Variants in EGFR observed in about 807,000 individuals in gnomAD.
EGFR encodes the protein epidermal growth factor receptor, also known as avian erythroblastic leukemia viral (v-erb-b) oncogene homolog.
EGFR carries 58 observed loss-of-function variants against 143.0 expected under a neutral mutation model. The ratio of observed to expected loss-of-function variants is 0.41; its 90% CI spans 0.33 to 0.50. EGFR has a LOEUF of 0.50. Among genes scored for constraint, EGFR ranks in the 20% least tolerant of loss-of-function variants. EGFR has a pLI of 0.39. For synonymous variants in EGFR, 613 were observed against 594.4 expected (o/e 1.03, Z -0.45); for missense variants, 1,307 against 1,579.0 (o/e 0.83, Z 2.92).
chr7:55,143,558 C>A (rs2128927752), intron 3 of EGFR, 70 bp downstream of exon 3: 2 of 1,558,008 alleles, frequency 1.3e-6, no homozygotes, highest in Non-Finnish European at 1.8e-6. Flanking sequence ...TCCCAGCGAG[C>A]TTGTCACTCA....
chr7:55,146,524 T>C, intron 3 of EGFR, 82 bp from the exon 4 acceptor site: 2 of 1,600,120 alleles, frequency 1.2e-6, no homozygotes, highest in Non-Finnish European at 1.7e-6. Context: ...TAGCAGAACA[T>C]AAATGCGAAG....
In EGFR at chr7:55,162,143, T is replaced by C. The variant is rs17336814; in HGVS notation, c.1631+512T>C. ...GACAAAGAAATAATTCATAATGATGTTTGTTGAATTTAGTTGCAATCAATA... is the reference window on the plus strand; with the variant it reads ...GACAAAGAAATAATTCATAATGATGCTTGTTGAATTTAGTTGCAATCAATA... On this transcript the variant is annotated intron_variant, in intron 13 of 27. Coordinates refer to ENST00000275493, the MANE Select transcript of EGFR (RefSeq NM_005228.5). Among the ~76,000 whole-genome samples the C allele has an allele frequency of 8.2e-3, 1,244 of 152,346 alleles. 23 individuals are homozygous for C. Among genetic ancestry groups the C allele is most frequent in the African/African-American group, 0.028 (1,164 of 41,574 alleles).
At chr7:55,151,393 G>C (rs779724563) in intron 5 of EGFR, 31 bp downstream of exon 5, 2 of 1,610,264 alleles carry the variant, frequency 1.2e-6, no homozygotes, top group Non-Finnish European at 1.7e-6. Context: ...AGACCCATGT[G>C]TGACCGCCCC....
In EGFR at chr7:55,192,021, G is replaced by C; in HGVS notation, c.2625+147G>C. The C allele has an allele frequency of 3.3e-6, 4 of 1,214,068 alleles. No homozygotes were observed. The South Asian group carries it at 5.2e-5, about 16-fold the overall frequency. The allele number at this position is 1,214,068 out of a possible 1,614,324, so 75.2% of individuals were successfully genotyped here. On this transcript the variant is annotated intron_variant, in intron 21 of 27. Coordinates refer to ENST00000275493, the MANE Select transcript of EGFR (RefSeq NM_005228.5). ...TCGCAGCAGCTGCTGCTGGCAGCTG[G>C]GTCCAGCCAGGGTCTCCTGGTAGTG...
intron 1 of EGFR, among the ~76,000 whole-genome samples, chr7:55,075,659 C>T (rs1236557355): frequency 6.6e-6 from 1 of 152,268 alleles, no homozygotes; most frequent in Admixed American, 6.5e-5. Context: ...GCAGCAGAAC[C>T]TACCACCGTA....
At chr7:55,081,433 A>G (rs902598933) in intron 1 of EGFR, among the ~76,000 whole-genome samples, 6 of 152,144 alleles carry the variant, frequency 3.9e-5, no homozygotes, top group African/African-American at 1.4e-4. Context: ...CTTCTTCGCA[A>G]TGAGTGTTGC....
Position 55,127,386 on chromosome 7 carries a change from A to C in EGFR, c.89-14900A>C, listed in dbSNP as rs529680862. On this transcript the variant is annotated intron_variant, in intron 1 of 27. Transcript: ENST00000275493. ...AAAAATTGATGCGCTTTTTCCACGAAAGGAAGTGTTACCACATTTTCCAAG... is the reference window on the plus strand; with the variant it reads ...AAAAATTGATGCGCTTTTTCCACGACAGGAAGTGTTACCACATTTTCCAAG... Among the ~76,000 whole-genome samples the C allele has an allele frequency of 3.9e-5, 6 of 152,266 alleles. No individual in the cohort carries two copies. In the East Asian group the frequency reaches 5.8e-4, roughly 15 times the overall value.
At position 55,019,125 on chromosome 7, in the gene EGFR, C is replaced by A. The variant is rs1478645869; in HGVS notation, c.-153C>A. 2 of 438,562 alleles carry A rather than the reference C, an allele frequency of 4.6e-6. No homozygotes were observed. Among genetic ancestry groups the A allele is most frequent in the South Asian group, 5.2e-5 (1 of 19,120 alleles). 27.2% of individuals were successfully genotyped at this position (438,562 alleles called of 1,614,324 possible). A position where few individuals can be genotyped will look rare whatever the true frequency, so the allele number is the denominator to read the frequency against. On this transcript the variant is annotated 5_prime_UTR_variant, in exon 1 of 28. Transcript: ENST00000275493. ...GGCCGGAGTCCCGAGCTAGCCCCGGCGGCCGCCGCCGCCCAGACCGGACGA... is the reference window on the plus strand; with the variant it reads ...GGCCGGAGTCCCGAGCTAGCCCCGGAGGCCGCCGCCGCCCAGACCGGACGA...
intron 1 of EGFR, among the ~76,000 whole-genome samples, chr7:55,027,991 A>AAAAAATAT (rs1554311534): frequency 5.5e-5 from 3 of 54,988 alleles, no homozygotes; most frequent in African/African-American, 1.6e-4. Flanking sequence ...AAAAAAAAAA[A>AAAAAATAT]ATATATATAT....
chr7:55,083,689 G>GA (rs34751800), intron 1 of EGFR, among the ~76,000 whole-genome samples: 3 of 151,706 alleles, frequency 2.0e-5, no homozygotes, highest in South Asian at 2.1e-4. Flanking sequence ...TTTTCTTCCT[G>GA]AAAAAAAATG....
intron 1 of EGFR, among the ~76,000 whole-genome samples, chr7:55,023,015 G>A (rs76978903): frequency 0.015 from 2,288 of 152,234 alleles, 65 homozygotes; most frequent in South Asian, 0.11. Flanking sequence ...CTTTTTTGAC[G>A]AGAGTGACAA....
intron 14 of EGFR, 97 bp from the exon 15 acceptor site, chr7:55,165,183 A>G: frequency 6.4e-7 from 1 of 1,566,856 alleles, no homozygotes; most frequent in Non-Finnish European, 8.7e-7. Flanking sequence ...GGCTTTCCCC[A>G]CTCACACACA....
chr7:55,206,171 G>T lies in EGFR; in HGVS notation c.*554G>T. The T allele has an allele frequency of 3.5e-6, 1 of 286,396 alleles. No individual in the cohort carries two copies. 17.7% of individuals were successfully genotyped at this position (286,396 alleles called of 1,614,324 possible). ...AGGCCTTCATGGCCCCAGCAGGCCG[G>T]ATCGGTACTGTATCAAGTCATGGCA... is the stretch of plus-strand genomic sequence containing the variant. On this transcript the variant is annotated 3_prime_UTR_variant, in exon 28 of 28. Transcript: ENST00000275493.
intron 15 of EGFR, chr7:55,170,907 A>G (rs1225383605): frequency 1.4e-6 from 2 of 1,417,524 alleles, no homozygotes; most frequent in Middle Eastern, 2.6e-4. Flanking sequence ...ATGTGAAAAC[A>G]TCTCAATAAC....
At chr7:55,025,288 G>A (rs948946237) in intron 1 of EGFR, among the ~76,000 whole-genome samples, 1 of 152,220 alleles carries the variant, frequency 6.6e-6, no homozygotes, top group Non-Finnish European at 1.5e-5. Flanking sequence ...GACAGAGGAT[G>A]AAGCAGGAGC....
chr7:55,026,883 A>G (rs199783356), intron 1 of EGFR, among the ~76,000 whole-genome samples: 51 of 147,606 alleles, frequency 3.5e-4, no homozygotes, highest in South Asian at 1.5e-3. Flanking sequence ...AAAAAAAGGG[A>G]AAAAAAAAAG....
intron 1 of EGFR, among the ~76,000 whole-genome samples, chr7:55,040,363 G>A (rs1468395705): frequency 6.6e-6 from 1 of 152,116 alleles, no homozygotes; most frequent in Non-Finnish European, 1.5e-5. Flanking sequence ...GTAGAATTTA[G>A]GGATAATTAA....
At chr7:55,204,913 C>T (rs979457866) in intron 27 of EGFR, among the ~76,000 whole-genome samples, 1 of 150,348 alleles carries the variant, frequency 6.7e-6, no homozygotes, top group Non-Finnish European at 1.5e-5. Flanking sequence ...ACACACGGTG[C>T]ACATACACAC....
chr7:55,085,330 C>T (rs1213789725), intron 1 of EGFR, among the ~76,000 whole-genome samples: 1 of 152,176 alleles, frequency 6.6e-6, no homozygotes, highest in East Asian at 1.9e-4. Flanking sequence ...ATAAAACCTC[C>T]ATGTGGCTCC....
Sources: allele counts gnomAD v4.1 joint callset (sites outside exome capture counted in the v4.1 genomes callset), GRCh38; gene constraint gnomAD v4.1.1; transcripts MANE v1.5; gene names NCBI Gene and HGNC (gene_info 2026-07-23, HGNC 2026-07-21).